Variants in PDE1C observed in about 807,000 individuals in gnomAD.
The protein encoded by PDE1C is dual specificity calcium/calmodulin-dependent 3',5'-cyclic nucleotide phosphodiesterase 1C.
PDE1C carries 62 observed loss-of-function variants against 93.1 expected under a neutral mutation model. That is an observed-to-expected ratio of 0.67 (90% CI 0.54 to 0.82). The LOEUF (loss-of-function observed/expected upper bound fraction) is 0.82, where lower values mean the gene tolerates loss of function less well. Ranked by LOEUF, PDE1C falls within the 40% of genes least tolerant of loss-of-function variation. PDE1C has a pLI of 0.00. For synonymous variants in PDE1C, 325 were observed against 310.1 expected, an observed-to-expected ratio of 1.05 and a Z score of -0.50; for missense variants, 742 against 884.6, an observed-to-expected ratio of 0.84 and a Z score of 2.04.
chr7:32,401,631 C>T (rs1784944917), intron 1 of PDE1C, among the ~76,000 whole-genome samples: 2 of 152,058 alleles, frequency 1.3e-5, no homozygotes, highest in Admixed American at 6.6e-5. Context: ...TTTGTGTGGT[C>T]CCACCGCAGC....
intron 1 of PDE1C, among the ~76,000 whole-genome samples, chr7:32,260,061 G>C (rs1018994918): frequency 1.3e-5 from 2 of 152,186 alleles, no homozygotes; most frequent in Non-Finnish European, 2.9e-5. Context: ...TCTCTAGAGG[G>C]CTGCTACGAG....
At chr7:32,002,647 C>T (rs778864578) in intron 2 of PDE1C, among the ~76,000 whole-genome samples, 3 of 152,160 alleles carry the variant, frequency 2.0e-5, no homozygotes, top group Non-Finnish European at 4.4e-5. Context: ...AGAATAAACA[C>T]AACACACACA....
the PDE1C span, among the ~76,000 whole-genome samples, chr7:31,727,913 A>G: frequency 1.3e-5 from 2 of 152,128 alleles, no homozygotes; most frequent in Non-Finnish European, 2.9e-5. Flanking sequence ...GCGTGGTGGC[A>G]TGCACCTATA....
At chr7:31,889,827 T>G (rs1015381981) in intron 2 of PDE1C, among the ~76,000 whole-genome samples, 1 of 152,188 alleles carries the variant, frequency 6.6e-6, no homozygotes, top group African/African-American at 2.4e-5. Flanking sequence ...GCAATAATAT[T>G]GACTTTGTTC....
the PDE1C span, among the ~76,000 whole-genome samples, chr7:31,735,847 C>A: frequency 2.6e-4 from 39 of 152,224 alleles, no homozygotes; most frequent in African/African-American, 9.2e-4. Flanking sequence ...TGTGGGAGAT[C>A]GGTTTCAGGA....
intron 1 of PDE1C, among the ~76,000 whole-genome samples, chr7:32,287,695 G>C (rs11768207): frequency 0.27 from 40,751 of 152,222 alleles, 5,769 homozygotes; most frequent in East Asian, 0.46. Context: ...GCAAAGGCCA[G>C]GTCATGGAAG....
the PDE1C span, among the ~76,000 whole-genome samples, chr7:31,671,581 C>T: frequency 2.0e-5 from 3 of 152,158 alleles, no homozygotes; most frequent in Non-Finnish European, 4.4e-5. Flanking sequence ...CACCCCACCA[C>T]ACCCCTCCAA....
the PDE1C span, chr7:31,652,387 T>C: frequency 7.4e-7 from 1 of 1,357,134 alleles, no homozygotes; most frequent in African/African-American, 1.5e-5. Context: ...ACTATCAGAA[T>C]CTGCTGCTGG....
intron 2 of PDE1C, among the ~76,000 whole-genome samples, chr7:31,915,914 G>T (rs184724469): frequency 6.6e-6 from 1 of 152,292 alleles, no homozygotes; most frequent in East Asian, 1.9e-4. Context: ...CAGTTGTGCA[G>T]AAGTATATTG....
chr7:32,416,435 C>T (rs1785278413), intron 1 of PDE1C, among the ~76,000 whole-genome samples: 1 of 152,208 alleles, frequency 6.6e-6, no homozygotes, highest in Non-Finnish European at 1.5e-5. Flanking sequence ...ACCAAGAGGC[C>T]ACTCCCTACT....
intron 3 of PDE1C, among the ~76,000 whole-genome samples, chr7:32,137,350 C>A (rs892714650): frequency 6.6e-6 from 1 of 152,204 alleles, no homozygotes. Flanking sequence ...AAGGGCTGTG[C>A]GACTGCAGCA....
chr7:32,174,304 G>A (rs1003235681), intron 2 of PDE1C, among the ~76,000 whole-genome samples: 6 of 151,838 alleles, frequency 4.0e-5, no homozygotes, highest in South Asian at 2.1e-4. Context: ...TTCATTCTTC[G>A]CCCTAGAAAT....
chr7:31,909,920 A>T (rs922076343), intron 2 of PDE1C, among the ~76,000 whole-genome samples: 3 of 152,140 alleles, frequency 2.0e-5, no homozygotes, highest in Non-Finnish European at 4.4e-5. Flanking sequence ...TGTCCCATGC[A>T]GTGTAGCATG....
intron 2 of PDE1C, among the ~76,000 whole-genome samples, chr7:32,005,529 C>G (rs2128570208): frequency 8.0e-6 from 1 of 124,304 alleles, no homozygotes; most frequent in Middle Eastern, 5.7e-3. Context: ...GCACTCCAGC[C>G]TGGGCGACAG....
intron 3 of PDE1C, among the ~76,000 whole-genome samples, chr7:32,095,604 T>C (rs1440785762): frequency 1.3e-5 from 2 of 152,192 alleles, no homozygotes; most frequent in East Asian, 3.8e-4. Flanking sequence ...CCAGCCCACT[T>C]TGGGCCTCAA....
chr7:32,191,503 GT>G (rs910148558), intron 2 of PDE1C, among the ~76,000 whole-genome samples: 2 of 151,976 alleles, frequency 1.3e-5, no homozygotes, highest in Non-Finnish European at 2.9e-5. Context: ...TAGGGGACTG[GT>G]TTTTTTCACT....
At chr7:32,268,249 T>C (rs1297365519) in intron 1 of PDE1C, among the ~76,000 whole-genome samples, 4 of 152,206 alleles carry the variant, frequency 2.6e-5, no homozygotes, top group East Asian at 3.9e-4. Context: ...GTCTTGCTCA[T>C]TGTGGTCTGG....
At chr7:32,191,081 TG>T (rs759569757) in intron 2 of PDE1C, among the ~76,000 whole-genome samples, 2 of 152,196 alleles carry the variant, frequency 1.3e-5, no homozygotes, top group Non-Finnish European at 2.9e-5. Context: ...AAGGAGCTTA[TG>T]TGGTACTCTA....
chr7:31,696,843 A>T, the PDE1C span: 1 of 1,124,952 alleles, frequency 8.9e-7, no homozygotes, highest in Non-Finnish European at 1.2e-6. Flanking sequence ...TTGCTTTATT[A>T]AAGTAAGTTT....
Sources: allele counts gnomAD v4.1 joint callset (sites outside exome capture counted in the v4.1 genomes callset), GRCh38; gene constraint gnomAD v4.1.1; transcripts MANE v1.5; gene names NCBI Gene and HGNC (gene_info 2026-07-23, HGNC 2026-07-21).